GPHN: variants seen among roughly 807,000 people sequenced by gnomAD.
GPHN encodes the protein gephyrin.
GPHN carries 17 observed loss-of-function variants against 95.5 expected under a neutral mutation model. The ratio of observed to expected loss-of-function variants is 0.18; its 90% CI spans 0.12 to 0.27. The LOEUF (loss-of-function observed/expected upper bound fraction) is 0.27, where lower values mean the gene tolerates loss of function less well. Among genes scored for constraint, GPHN ranks in the 10% least tolerant of loss-of-function variants. The probability of loss-of-function intolerance (pLI) is 1.00; values close to 1 mark genes in which losing one functional copy is unlikely to be tolerated. For missense variants in GPHN, 660 were observed against 978.1 expected, an observed-to-expected ratio of 0.67 and a Z score of 4.34; for synonymous variants, 320 against 322.5, an observed-to-expected ratio of 0.99 and a Z score of 0.08.
chr14:67,632,482 G>A, the GPHN span, among the ~76,000 whole-genome samples: 1 of 152,158 alleles, frequency 6.6e-6, no homozygotes, highest in African/African-American at 2.4e-5. Context: ...GCCACCCAGA[G>A]GGGAAACAGA....
intron 9 of GPHN, among the ~76,000 whole-genome samples, chr14:66,997,321 C>T (rs1432938712): frequency 6.9e-6 from 1 of 145,368 alleles, no homozygotes; most frequent in Non-Finnish European, 1.5e-5. Flanking sequence ...GAGCCAAGAT[C>T]GTGCAATTGC....
At chr14:67,465,053 G>A in the GPHN span, among the ~76,000 whole-genome samples, 1 of 152,238 alleles carries the variant, frequency 6.6e-6, no homozygotes, top group Admixed American at 6.5e-5. Flanking sequence ...GCCTAGCGCA[G>A]GGAGGTCCTG....
chr14:66,849,563 G>C (rs2062491539), intron 4 of GPHN, among the ~76,000 whole-genome samples: 1 of 151,830 alleles, frequency 6.6e-6, no homozygotes. Flanking sequence ...GTGAAAAATT[G>C]TATTTTTATT....
chr14:67,375,047 T>A, the GPHN span, among the ~76,000 whole-genome samples: 2 of 152,138 alleles, frequency 1.3e-5, no homozygotes, highest in African/African-American at 2.4e-5. Flanking sequence ...TAGTTTTGGT[T>A]TTTTTCCCCC....
At chr14:67,055,598 C>A (rs2075525144) in intron 10 of GPHN, among the ~76,000 whole-genome samples, 1 of 152,188 alleles carries the variant, frequency 6.6e-6, no homozygotes, top group Non-Finnish European at 1.5e-5. Flanking sequence ...AAGATACATG[C>A]ATGCGTATGC....
At chr14:67,724,493 T>C in the GPHN span, 1 of 1,611,008 alleles carries the variant, frequency 6.2e-7, no homozygotes, top group Non-Finnish European at 8.5e-7. Context: ...GCTGGTGGAG[T>C]GTGTAGAACA....
intron 5 of GPHN, among the ~76,000 whole-genome samples, chr14:66,891,685 T>C (rs2064510038): frequency 6.6e-6 from 1 of 151,972 alleles, no homozygotes; most frequent in African/African-American, 2.4e-5. Flanking sequence ...TTGAACAAAG[T>C]AAAAGGGCAA....
intron 9 of GPHN, among the ~76,000 whole-genome samples, chr14:67,014,353 T>C (rs149034630): frequency 1.3e-5 from 2 of 152,294 alleles, no homozygotes; most frequent in African/African-American, 4.8e-5. Context: ...TACAGTGTTA[T>C]ACAGCTAATA....
At chr14:67,484,765 GA>G in the GPHN span, among the ~76,000 whole-genome samples, 4 of 149,658 alleles carry the variant, frequency 2.7e-5, no homozygotes, top group African/African-American at 7.4e-5. Flanking sequence ...TTCTAATAAA[GA>G]AAAAAAAAGA....
intron 3 of GPHN, 57 bp from the exon 4 acceptor site, chr14:66,824,417 G>A (rs1296578423): frequency 1.2e-6 from 1 of 847,442 alleles, no homozygotes; most frequent in Admixed American, 1.7e-5. Context: ...GGACTGGGAT[G>A]TTTTGAGCAA....
chr14:67,125,747 A>T (rs1316059596), intron 17 of GPHN, among the ~76,000 whole-genome samples: 1 of 151,910 alleles, frequency 6.6e-6, no homozygotes, highest in African/African-American at 2.4e-5. Context: ...ACTGCACTCC[A>T]GCCTGGGTGA....
the GPHN span, among the ~76,000 whole-genome samples, chr14:67,243,220 G>T: frequency 2.7e-5 from 4 of 150,900 alleles, no homozygotes; most frequent in Admixed American, 2.6e-4. Context: ...ACATAGTCTC[G>T]CTCTTGCCCA....
At chr14:66,723,433 T>C (rs2070940781) in intron 2 of GPHN, among the ~76,000 whole-genome samples, 1 of 152,054 alleles carries the variant, frequency 6.6e-6, no homozygotes, top group Non-Finnish European at 1.5e-5. Context: ...TAATTCACTT[T>C]TAATAATTAT....
In GPHN at chr14:66,707,189, A is replaced by C. The variant is rs1195286929; in HGVS notation, c.143+26004A>C. 2.0e-5 allele frequency among the ~76,000 whole-genome samples: 3 copies of C among 152,236 alleles called. No individual in the cohort carries two copies. The South Asian group carries it at 6.2e-4, about 32-fold the overall frequency. On this transcript the variant is annotated intron_variant, in intron 2 of 22. Transcript: ENST00000478722. ...TAGATGCTGGTGAGGCTGTGGAGAA[A>C]TAGGAATGGTTTTACACTGTTGGTG...
In GPHN at chr14:66,795,802, A is replaced by G. The variant is rs112080965; in HGVS notation, c.201+19281A>G. ...GTCACATCATGGAAATGGGGTATCA[A>G]TCCCCTCAAGCATTAATCCTTGCTG... On this transcript the variant is annotated intron_variant, in intron 3 of 22. Coordinates refer to ENST00000478722, the MANE Select transcript of GPHN (RefSeq NM_020806.5). 3.2e-3 allele frequency among the ~76,000 whole-genome samples: 486 copies of G among 152,268 alleles called. 10 individuals carry two copies. Among genetic ancestry groups the G allele is most frequent in the African/African-American group, 0.011 (449 of 41,562 alleles).
the GPHN span, chr14:67,388,320 C>T: frequency 6.5e-6 from 10 of 1,544,874 alleles, no homozygotes; most frequent in Non-Finnish European, 9.0e-6. Flanking sequence ...GGAAAGGAGA[C>T]CCAATTAGGA....
At chr14:67,608,442 G>A in the GPHN span, among the ~76,000 whole-genome samples, 1 of 152,146 alleles carries the variant, frequency 6.6e-6, no homozygotes, top group Non-Finnish European at 1.5e-5. Flanking sequence ...TTTATACCAG[G>A]AACTTAAGCG....
chr14:66,965,419 C>A, intron 9 of GPHN, 94 bp downstream of exon 9: 1 of 1,119,360 alleles, frequency 8.9e-7, no homozygotes, highest in Non-Finnish European at 1.4e-6. Context: ...GGTTGGATTG[C>A]ATGCAAGATT....
At chr14:67,425,675 G>A in the GPHN span, among the ~76,000 whole-genome samples, 4 of 152,200 alleles carry the variant, frequency 2.6e-5, no homozygotes, top group East Asian at 7.7e-4. Flanking sequence ...GAAGAATTAA[G>A]GCAATGAGAG....
Sources: gnomAD v4.1 joint callset for allele counts (sites outside exome capture counted in the v4.1 genomes callset) on GRCh38, gnomAD v4.1.1 for gene constraint, MANE v1.5 for transcripts, NCBI Gene and HGNC (gene_info 2026-07-23, HGNC 2026-07-21) for gene names.